Variants in GAS6 observed in about 807,000 individuals in gnomAD.
GAS6 encodes the protein growth arrest specific 6.
A neutral mutation model predicts 75.8 loss-of-function variants in GAS6; 41 were observed. The observed-to-expected ratio is 0.54, with a 90% CI of 0.42 to 0.70. The LOEUF (loss-of-function observed/expected upper bound fraction) is 0.70, where lower values mean the gene tolerates loss of function less well. Ranked by LOEUF, GAS6 falls within the 30% of genes least tolerant of loss-of-function variation. GAS6 has a pLI of 0.00. For synonymous variants in GAS6, 432 were observed against 412.6 expected (o/e 1.05, Z -0.57); for missense variants, 854 against 940.2 (o/e 0.91, Z 1.20).
intron 7 of GAS6, 111 bp downstream of exon 7, chr13:113,835,402 T>G (rs1205031209): frequency 7.7e-7 from 1 of 1,305,640 alleles, no homozygotes. Flanking sequence ...AGAAAGAGAC[T>G]TTCTTTCACC....
At chr13:113,821,924 T>C (rs1201401198) in intron 14 of GAS6, 34 bp downstream of exon 14, 2 of 1,479,748 alleles carry the variant, frequency 1.4e-6, no homozygotes, top group Admixed American at 4.2e-5. Context: ...CCTGGAGCTC[T>C]TCACCCGGGT....
chr13:113,844,879 A>T lies in GAS6; in HGVS notation c.343+1648T>A, dbSNP rs373437752. On this transcript the variant is annotated intron_variant, in intron 4 of 14. Transcript: ENST00000327773. This position sits in a 1 kb window ranked among gnomAD's most constrained non-coding sequence, Gnocchi z 5.7. ...CACCTCATCCATCACGTCAAAAGAA[A>T]TTACGGGCGGGTCACAGATGAAAAC... is the stretch of plus-strand genomic sequence containing the variant. 1.5e-4 allele frequency: 23 copies of T among 150,796 alleles called. 2 individuals carry two copies. The highest frequency in any genetic ancestry group is 5.7e-4 in the African/African-American group (23 of 40,218). The allele number at this position is 150,796 out of a possible 1,614,324, so 9.3% of individuals were successfully genotyped here.
At chr13:113,838,366 C>A in intron 5 of GAS6, 175 bp from the exon 6 acceptor site, 1 of 708,680 alleles carries the variant, frequency 1.4e-6, no homozygotes, top group Non-Finnish European at 2.3e-6. Flanking sequence ...AGCCCTGGAG[C>A]AGGGAGGGAG....
At chr13:113,839,973 G>A (rs899506977) in intron 4 of GAS6, 123 bp from the exon 5 acceptor site, 1 of 1,418,210 alleles carries the variant, frequency 7.1e-7, no homozygotes, top group East Asian at 2.3e-5. Flanking sequence ...GAGGGGCGCA[G>A]GCTGAGGCAG....
chr13:113,837,706 G>A lies in GAS6; in HGVS notation c.589+363C>T, dbSNP rs1566364468. On this transcript the variant is annotated intron_variant, in intron 6 of 14. Coordinates refer to ENST00000327773, the MANE Select transcript of GAS6 (RefSeq NM_000820.4). The surrounding 1 kb of genome is among the most constrained non-coding windows in gnomAD (Gnocchi z 5.1). ...TCTGGGGATGCTGGGGAGAGTGGAC[G>A]GCGGGGGGACCCTAGCCTGGAGCCC... is the stretch of plus-strand genomic sequence containing the variant. Among the ~76,000 whole-genome samples the A allele has an allele frequency of 1.3e-5, 2 of 152,126 alleles. No homozygotes were observed. The highest frequency in any genetic ancestry group is 1.5e-5 in the Non-Finnish European group (1 of 68,004).
intron 7 of GAS6, 116 bp from the exon 8 acceptor site, chr13:113,834,788 G>C: frequency 8.5e-7 from 1 of 1,178,030 alleles, no homozygotes; most frequent in Non-Finnish European, 1.1e-6. Context: ...ATTACATGCA[G>C]ATTCTAACGG....
intron 8 of GAS6, among the ~76,000 whole-genome samples, 160 bp downstream of exon 8, chr13:113,834,391 G>A (rs2051673438): frequency 6.6e-6 from 1 of 152,248 alleles, no homozygotes; most frequent in Non-Finnish European, 1.5e-5. Flanking sequence ...ATCTTCCAGG[G>A]AACAGAAGCG....
intron 4 of GAS6, chr13:113,840,629 C>T (rs2051765031): frequency 6.6e-6 from 1 of 152,278 alleles, no homozygotes; most frequent in African/African-American, 2.4e-5. Context: ...CAGGGAAGCC[C>T]CCGACAGTGC....
intron 10 of GAS6, among the ~76,000 whole-genome samples, chr13:113,831,580 A>G (rs1311174378): frequency 6.6e-6 from 1 of 151,952 alleles, no homozygotes; most frequent in Non-Finnish European, 1.5e-5. Context: ...TGGGGCTGAG[A>G]ACCACGGGTT....
In GAS6 at chr13:113,837,592, G is replaced by A. The variant is rs2051730715; in HGVS notation, c.589+477C>T. On this transcript the variant is annotated intron_variant, in intron 6 of 14. Coordinates refer to ENST00000327773, the MANE Select transcript of GAS6 (RefSeq NM_000820.4). The surrounding 1 kb of genome is among the most constrained non-coding windows in gnomAD (Gnocchi z 5.1). ...TGGGGCTCCCCAGCTCTGGCCCTGG[G>A]CTGAGGGAACCCCAGACTGAAATAT... Among the ~76,000 whole-genome samples the A allele has an allele frequency of 6.6e-6, 1 of 152,182 alleles. No individual in the cohort carries two copies. Among genetic ancestry groups the A allele is most frequent in the Admixed American group, 6.5e-5 (1 of 15,276 alleles).
chr13:113,824,255 C>T (rs1240003232), intron 12 of GAS6, among the ~76,000 whole-genome samples: 3 of 109,762 alleles, frequency 2.7e-5, no homozygotes, highest in Non-Finnish European at 5.4e-5. Context: ...GTCAGGAGCA[C>T]CCGCGGTCTG....
chr13:113,834,758 A>C, intron 7 of GAS6, 86 bp from the exon 8 acceptor site: 1 of 1,294,752 alleles, frequency 7.7e-7, no homozygotes, highest in Non-Finnish European at 1.0e-6. Flanking sequence ...CTCAAACCAC[A>C]CGCAAGGTGC....
intron 8 of GAS6, chr13:113,833,541 C>A: frequency 1.0e-6 from 1 of 998,482 alleles, no homozygotes; most frequent in Non-Finnish European, 1.2e-6. Context: ...TGCCCAGAAA[C>A]GTCCACATGT....
At chr13:113,856,577 CG>C (rs1435801946) in intron 2 of GAS6, among the ~76,000 whole-genome samples, 1 of 152,114 alleles carries the variant, frequency 6.6e-6, no homozygotes, top group Non-Finnish European at 1.5e-5. Flanking sequence ...GATCTGAGAA[CG>C]GGAGTGATCG....
intron 2 of GAS6, among the ~76,000 whole-genome samples, chr13:113,858,881 G>GAC (rs1368030353): frequency 5.4e-5 from 8 of 146,900 alleles, no homozygotes; most frequent in Admixed American, 1.4e-4. Flanking sequence ...ACATGACTAT[G>GAC]TAAGTCTATG....
At chr13:113,847,173 G>A (rs555058426) in intron 3 of GAS6, 38 of 304,456 alleles carry the variant, frequency 1.2e-4, no homozygotes, top group South Asian at 6.8e-4. Flanking sequence ...TTATCCAGGC[G>A]CAGAACGGCA....
At chr13:113,821,792 T>C (rs570940054) in intron 14 of GAS6, 166 bp downstream of exon 14, 2 of 600,500 alleles carry the variant, frequency 3.3e-6, no homozygotes, top group African/African-American at 1.9e-5. Context: ...CGAGACACCA[T>C]AATAGCCACT....
In GAS6 at chr13:113,827,111, T is replaced by G; in HGVS notation, c.1362A>C (p.Glu454Asp). 1 of 1,613,422 alleles carries G rather than the reference T, an allele frequency of 6.2e-7. No individual in the cohort carries two copies. Among genetic ancestry groups the G allele is most frequent in the South Asian group, 1.1e-5 (1 of 91,042 alleles). ...CMRSWNWLNG[E>D]DTTIQETVKV... is the part of the protein sequence containing the mutation. ...TCACCGTTTCCTGGATGGTGGTGTC[T>G]TCTCCGTTCAGCCAGTTCCAGCTCC... The change falls in exon 12 of 15, where the codon GAA becomes GAC. Residue 454 changes from glutamate to aspartate, a missense_variant. Physicochemically the swap from Glu to Asp is conservative, Grantham distance 45. Coordinates refer to ENST00000327773, the MANE Select transcript of GAS6 (RefSeq NM_000820.4).
At chr13:113,838,400 G>A (rs549866963) in intron 5 of GAS6, among the ~76,000 whole-genome samples, 9 of 138,752 alleles carry the variant, frequency 6.5e-5, no homozygotes, top group African/African-American at 1.9e-4. Flanking sequence ...GCCTAGCCCC[G>A]GAGCAGGAGG....
Sources: gnomAD v4.1 joint callset for allele counts (sites outside exome capture counted in the v4.1 genomes callset) on GRCh38, gnomAD v4.1.1 for gene constraint, Gnocchi (gnomAD v3.1) non-coding constraint, MANE v1.5 for transcripts, NCBI Gene and HGNC (gene_info 2026-07-23, HGNC 2026-07-21) for gene names.